Variants in CLMN observed in about 807,000 individuals in gnomAD.
CLMN encodes the protein calmin (calponin-like, transmembrane).
A neutral mutation model predicts 92.7 loss-of-function variants in CLMN; 57 were observed. The observed-to-expected ratio is 0.61, with a 90% CI of 0.50 to 0.77. CLMN has a LOEUF of 0.77. Ranked by LOEUF, CLMN falls within the 30% of genes least tolerant of loss-of-function variation. The probability of loss-of-function intolerance (pLI) is 0.00; values close to 1 mark genes in which losing one functional copy is unlikely to be tolerated. For synonymous variants in CLMN, 466 were observed against 470.6 expected (o/e 0.99, Z 0.13); for missense variants, 1,158 against 1,237.5 (o/e 0.94, Z 0.96).
At chr14:95,300,596 G>A (rs1200816792) in intron 1 of CLMN, among the ~76,000 whole-genome samples, 1 of 152,164 alleles carries the variant, frequency 6.6e-6, no homozygotes, top group Non-Finnish European at 1.5e-5. Flanking sequence ...TGCCTACATC[G>A]GCTTCTGGGT....
intron 12 of CLMN, chr14:95,193,446 CAG>C: frequency 7.3e-7 from 1 of 1,364,570 alleles, no homozygotes; most frequent in African/African-American, 1.4e-5. Context: ...GGACAGGCGT[CAG>C]GGGCTACAGC....
rs1896482709 is a variant in CLMN, at chr14:95,188,184, A to G, written c.*3380T>C. The stretch of plus-strand genomic sequence containing the variant: ...ATCAGCTTTTGGATGCCTCACTCTT[A>G]AAACATGAACAGATCCATAGGATCA... On this transcript the variant is annotated 3_prime_UTR_variant, in exon 13 of 13. Transcript: ENST00000298912. 6.6e-6 allele frequency: 1 copy of G among 152,248 alleles called. No individual in the cohort carries two copies. The highest frequency in any genetic ancestry group is 1.5e-5 in the Non-Finnish European group (1 of 68,046). The allele number at this position is 152,248 out of a possible 1,614,324, so 9.4% of individuals were successfully genotyped here.
At chr14:95,252,657 T>C (rs1898836753) in intron 1 of CLMN, among the ~76,000 whole-genome samples, 1 of 152,216 alleles carries the variant, frequency 6.6e-6, no homozygotes, top group Admixed American at 6.5e-5. Flanking sequence ...TGCCCTGTGA[T>C]TTAGAGTGGA....
intron 1 of CLMN, among the ~76,000 whole-genome samples, chr14:95,245,268 T>TA (rs1348692434): frequency 1.6e-5 from 1 of 61,092 alleles, no homozygotes; most frequent in African/African-American, 8.5e-5. Flanking sequence ...TATATATATA[T>TA]ATTATATATA....
chr14:95,303,626 C>T (rs1436876940), intron 1 of CLMN, among the ~76,000 whole-genome samples: 2 of 152,196 alleles, frequency 1.3e-5, no homozygotes, highest in Non-Finnish European at 2.9e-5. Flanking sequence ...TCTGCAATGC[C>T]CCCGATTTCT....
chr14:95,223,921 G>A (rs1897628701), intron 2 of CLMN, 66 bp from the exon 3 acceptor site: 3 of 1,146,628 alleles, frequency 2.6e-6, no homozygotes, highest in Non-Finnish European at 2.6e-6. Context: ...CTATGTCAGA[G>A]ATGCAGCTTT....
rs549417370 is a variant in CLMN at position 95,257,455 on chromosome 14, T to C, written c.83-27322A>G. On this transcript the variant is annotated intron_variant, in intron 1 of 12. Transcript: ENST00000298912. Reference sequence around the variant, plus strand: ...TTCATAGAATAATTATCTACTTAACTGTTAACAATATTTTAACAGAATCTC... The same window carrying C: ...TTCATAGAATAATTATCTACTTAACCGTTAACAATATTTTAACAGAATCTC... Among the ~76,000 whole-genome samples, 39 of 152,390 alleles carry C rather than the reference T, an allele frequency of 2.6e-4. No homozygotes were observed. The South Asian group carries it at 7.7e-3, about 30-fold the overall frequency.
chr14:95,242,005 T>C (rs8005301), intron 1 of CLMN, among the ~76,000 whole-genome samples: 20,571 of 152,032 alleles, frequency 0.14, 2,391 homozygotes, highest in African/African-American at 0.31. Context: ...AGAACCAGAC[T>C]GTGACATTGA....
At position 95,204,405 on chromosome 14, in the gene CLMN, T is replaced by C. The variant is rs1391268745; in HGVS notation, c.944A>G (p.Lys315Arg). Reference protein sequence around the residue: ...VPIESTFVRIKETPSEQESKV... With the variant: ...VPIESTFVRIRETPSEQESKV... ...GCTCTCCTGTTCAGAAGGAGTTTCT[T>C]TGATGCGAACAAAAGTGGATTCGAT... The change falls in exon 9 of 13, where the codon AAA (lysine) becomes AGA (arginine). Residue 315 changes from lysine to arginine, a missense_variant. Coordinates refer to ENST00000298912, the MANE Select transcript of CLMN (RefSeq NM_024734.4). 6.2e-6 allele frequency: 10 copies of C among 1,613,616 alleles called. No homozygotes were observed. The highest frequency in any genetic ancestry group is 2.2e-5 in the East Asian group (1 of 44,880).
chr14:95,282,722 G>C (rs1350916277), intron 1 of CLMN, among the ~76,000 whole-genome samples: 1 of 152,212 alleles, frequency 6.6e-6, no homozygotes, highest in South Asian at 2.1e-4. Flanking sequence ...ATTACCCCTG[G>C]ACAAGGAGCA....
chr14:95,314,688 T>A (rs1412309384), intron 1 of CLMN, among the ~76,000 whole-genome samples: 1 of 152,160 alleles, frequency 6.6e-6, no homozygotes, highest in East Asian at 1.9e-4. Flanking sequence ...ATGCTCCACC[T>A]GGAAAGGCCC....
At position 95,294,080 on chromosome 14, in the gene CLMN, G is replaced by A. The variant is rs552991854; in HGVS notation, c.82+25631C>T. On this transcript the variant is annotated intron_variant, in intron 1 of 12. Coordinates refer to ENST00000298912, the MANE Select transcript of CLMN (RefSeq NM_024734.4). This position sits in a 1 kb window ranked among gnomAD's most constrained non-coding sequence, Gnocchi z 4.2. ...TGGAGGGCTTCCCCACTCCCCAGGC[G>A]AACCTCTTCCTACCTACCTCACCCT... Among the ~76,000 whole-genome samples the A allele has an allele frequency of 4.0e-4, 61 of 152,264 alleles. 1 individual carries two copies. The South Asian group carries it at 0.011, about 28-fold the overall frequency.
chr14:95,290,345 A>G (rs1218108258), intron 1 of CLMN, among the ~76,000 whole-genome samples: 1 of 152,268 alleles, frequency 6.6e-6, no homozygotes, highest in Non-Finnish European at 1.5e-5. Flanking sequence ...TGGCAAAAAC[A>G]GACTTTGCAG....
chr14:95,215,748 T>C lies in CLMN; in HGVS notation c.325-15A>G, dbSNP rs1196523197. 4 of 1,603,260 alleles carry C rather than the reference T, an allele frequency of 2.5e-6. No homozygotes were observed. The highest frequency in any genetic ancestry group is 3.4e-6 in the Non-Finnish European group (4 of 1,170,294). On this transcript the variant is annotated splice_polypyrimidine_tract_variant and intron_variant, in intron 4 of 12. Transcript: ENST00000298912. ...ACCAGTTTTACCTGGAGGGAAGCAA[T>C]TTATGAACTTAAAGCGAGGTGTCCA...
intron 1 of CLMN, among the ~76,000 whole-genome samples, chr14:95,263,472 T>C (rs1215963504): frequency 6.6e-6 from 1 of 152,054 alleles, no homozygotes; most frequent in Non-Finnish European, 1.5e-5. Flanking sequence ...CCTACAAGCC[T>C]GAAAGATCCA....
chr14:95,257,173 G>A (rs535757552), intron 1 of CLMN, among the ~76,000 whole-genome samples: 6 of 152,308 alleles, frequency 3.9e-5, no homozygotes, highest in African/African-American at 1.4e-4. Flanking sequence ...ACGTTTGCAC[G>A]AGTTAAGTCG....
At chr14:95,250,827 T>C (rs1225210767) in intron 1 of CLMN, among the ~76,000 whole-genome samples, 1 of 152,172 alleles carries the variant, frequency 6.6e-6, no homozygotes, top group Non-Finnish European at 1.5e-5. Context: ...ATACTGTATA[T>C]TGCTTGGGGC....
intron 8 of CLMN, among the ~76,000 whole-genome samples, chr14:95,208,568 G>A (rs766218031): frequency 4.6e-5 from 7 of 152,170 alleles, no homozygotes; most frequent in African/African-American, 1.4e-4. Flanking sequence ...AAGCAGATCC[G>A]TTTTATAAGA....
intron 4 of CLMN, among the ~76,000 whole-genome samples, chr14:95,217,089 G>T (rs1295148275): frequency 6.6e-6 from 1 of 152,150 alleles, no homozygotes; most frequent in Non-Finnish European, 1.5e-5. Flanking sequence ...GGCCACACTG[G>T]TGTCTGCCAC....
Sources: allele counts gnomAD v4.1 joint callset (sites outside exome capture counted in the v4.1 genomes callset), GRCh38; gene constraint gnomAD v4.1.1; non-coding constraint Gnocchi (gnomAD v3.1); transcripts MANE v1.5; gene names NCBI Gene and HGNC (gene_info 2026-07-23, HGNC 2026-07-21).